Variants in ZNF724 observed in about 807,000 individuals in gnomAD.
The protein encoded by ZNF724 is zinc finger protein 724.
ZNF724 carries 14 observed loss-of-function variants against 29.3 expected under a neutral mutation model. That is an observed-to-expected ratio of 0.48 (90% CI 0.32 to 0.75). ZNF724 has a LOEUF of 0.75. ZNF724 is among the 30% of genes least tolerant of loss of function. The probability of loss-of-function intolerance (pLI) is 0.04; values close to 1 mark genes in which losing one functional copy is unlikely to be tolerated. For missense variants in ZNF724, 557 were observed against 571.2 expected (o/e 0.98, Z 0.25); for synonymous variants, 180 against 193.6 (o/e 0.93, Z 0.58).
intron 2 of ZNF724, 57 bp downstream of exon 2, chr19:23,232,110 A>G: frequency 1.6e-6 from 2 of 1,217,422 alleles, no homozygotes; most frequent in Non-Finnish European, 2.4e-6. Context: ...CATCCTACAA[A>G]AAAACAAACG....
chr19:23,245,351 C>T (rs1213726659), intron 1 of ZNF724, among the ~76,000 whole-genome samples: 2 of 152,238 alleles, frequency 1.3e-5, no homozygotes, highest in Non-Finnish European at 2.9e-5. Context: ...CGGTGGCTCA[C>T]GCCTGTAATC....
intron 1 of ZNF724, among the ~76,000 whole-genome samples, chr19:23,235,908 A>G (rs538684806): frequency 1.4e-3 from 208 of 152,324 alleles, no homozygotes; most frequent in Non-Finnish European, 2.6e-3. Flanking sequence ...CATGCATCAC[A>G]GTCAATCTTC....
In ZNF724 at chr19:23,224,721, C is replaced by T. The variant is rs544849281; in HGVS notation, c.227-703G>A. Among the ~76,000 whole-genome samples, 146 of 40,258 alleles carry T rather than the reference C, an allele frequency of 3.6e-3. 1 individual carries two copies. Among genetic ancestry groups the T allele is most frequent in the African/African-American group, 9.3e-3 (121 of 12,952 alleles). The allele number at this position is 40,258 out of a possible 152,430, so 26.4% of individuals were successfully genotyped here. On this transcript the variant is annotated intron_variant, in intron 3 of 3. Transcript: ENST00000418100. ...CTGTAATCCCAACACTTTGGCGTGC[C>T]GGGTGGGCCGATCACCTGAGGTCAG...
rs576181395 is a variant in ZNF724 at position 23,245,567 on chromosome 19, C to T, written c.3+4673G>A. Among the ~76,000 whole-genome samples the T allele has an allele frequency of 2.8e-4, 43 of 151,840 alleles. 1 individual carries two copies. Among genetic ancestry groups the T allele is most frequent in the African/African-American group, 8.9e-4 (37 of 41,400 alleles). ...GGCGGGGCTTGCAGTGAGCAGAGAT[C>T]GCGCCACTGCACTCCAGACCTGGGC... is the stretch of plus-strand genomic sequence containing the variant. On this transcript the variant is annotated intron_variant, in intron 1 of 3. Coordinates refer to ENST00000418100, the MANE Select transcript of ZNF724 (RefSeq NM_001355404.2).
chr19:23,250,298 C>A lies in ZNF724; in HGVS notation c.-56G>T. On this transcript the variant is annotated 5_prime_UTR_variant, in exon 1 of 4. Transcript: ENST00000418100. ...TTAGCTGTGGATCTCCCAATGCTTG[C>A]AGGTCAGAGGGCCACAGAGGCTGGG... 1 of 614,678 alleles carries A rather than the reference C, an allele frequency of 1.6e-6. No homozygotes were observed. Among genetic ancestry groups the A allele is most frequent in the Non-Finnish European group, 3.0e-6 (1 of 330,188 alleles). The allele number at this position is 614,678 out of a possible 1,614,324, so 38.1% of individuals were successfully genotyped here.
At chr19:23,248,836 A>G (rs1972292043) in intron 1 of ZNF724, among the ~76,000 whole-genome samples, 1 of 152,026 alleles carries the variant, frequency 6.6e-6, no homozygotes, top group South Asian at 2.1e-4. Context: ...CTCTACTAAA[A>G]ATACAAAAAT....
intron 3 of ZNF724, among the ~76,000 whole-genome samples, chr19:23,227,851 A>G (rs990386017): frequency 1.8e-4 from 27 of 152,198 alleles, no homozygotes; most frequent in African/African-American, 6.0e-4. Context: ...TCAATCTAAA[A>G]TTAATTCTGA....
intron 3 of ZNF724, among the ~76,000 whole-genome samples, chr19:23,224,937 A>G (rs1400042501): frequency 6.6e-6 from 1 of 152,076 alleles, no homozygotes; most frequent in Non-Finnish European, 1.5e-5. Flanking sequence ...CCTGGGCAAC[A>G]GAGCAAGACT....
rs1460406681 is a variant in ZNF724 at position 23,223,517 on chromosome 19, G to A, written c.728C>T (p.Thr243Ile). 1 of 744,420 alleles carries A rather than the reference G, an allele frequency of 1.3e-6. No individual in the cohort carries two copies. 46.1% of individuals were successfully genotyped at this position (744,420 alleles called of 1,614,324 possible). ...CTCTCCAGTATGAATTATCTTATGT[G>A]TGTTAAGGTGTGAGGACTTGTTAAA... ...IAFNKSSHLN[T>I]HKIIHTGEKS... The change falls in exon 4 of 4, where the codon ACA becomes ATA. Residue 243 changes from threonine (T) to isoleucine (I), a missense_variant. Physicochemically the swap from Thr to Ile is moderately conservative, Grantham distance 89. This residue lies in a region of ZNF724 where 362 missense variants were observed against 295.5 expected (regional missense o/e 1.22). Coordinates refer to ENST00000418100, the MANE Select transcript of ZNF724 (RefSeq NM_001355404.2).
chr19:23,234,703 C>A (rs371156487), intron 1 of ZNF724, among the ~76,000 whole-genome samples: 2 of 152,206 alleles, frequency 1.3e-5, no homozygotes, highest in African/African-American at 4.8e-5. Flanking sequence ...CCACCCACCT[C>A]GGTCTCCCAA....
chr19:23,248,430 A>G (rs1437696976), intron 1 of ZNF724, among the ~76,000 whole-genome samples: 1 of 152,128 alleles, frequency 6.6e-6, no homozygotes, highest in Non-Finnish European at 1.5e-5. Context: ...ACTGGGGGAT[A>G]CACGGGAGAC....
intron 1 of ZNF724, among the ~76,000 whole-genome samples, chr19:23,235,763 C>T (rs1411791206): frequency 6.6e-6 from 1 of 152,102 alleles, no homozygotes; most frequent in African/African-American, 2.4e-5. Context: ...CATATGTGTT[C>T]ATATCACCTC....
intron 1 of ZNF724, among the ~76,000 whole-genome samples, chr19:23,237,091 G>C (rs967353182): frequency 1.3e-5 from 2 of 152,096 alleles, no homozygotes; most frequent in African/African-American, 4.8e-5. Flanking sequence ...GACCTCAAGT[G>C]ATCTGTCCAC....
At chr19:23,249,224 A>G (rs1195122559) in intron 1 of ZNF724, among the ~76,000 whole-genome samples, 1 of 141,516 alleles carries the variant, frequency 7.1e-6, no homozygotes, top group East Asian at 2.1e-4. Context: ...ATTATTTAAT[A>G]TTTTTGCAGA....
rs1449331105 is a variant in ZNF724, at chr19:23,223,871, A to C, written c.374T>G (p.Val125Gly). ...AAATCCATTATAACTTCCTTTGTGC[A>C]CCTTGTACTCATCCACACTTTTATA... ...KGYKSVDEYK[V>G]HKGSYNGFNQ... Residue 125 changes from valine (V) to glycine (G), a missense_variant, in exon 4 of 4, where the codon GTG (valine) becomes GGG (glycine). Around this residue, in one of 3 missense-constraint regions of ZNF724, gnomAD observed 362 missense variants for 295.5 expected, o/e 1.22. Coordinates refer to ENST00000418100, the MANE Select transcript of ZNF724 (RefSeq NM_001355404.2). The C allele has an allele frequency of 1.3e-6, 1 of 779,360 alleles. No individual in the cohort carries two copies. Among genetic ancestry groups the C allele is most frequent in the South Asian group, 1.3e-5 (1 of 74,418 alleles). 48.3% of individuals were successfully genotyped at this position (779,360 alleles called of 1,614,324 possible).
chr19:23,233,742 C>T (rs1568341871), intron 1 of ZNF724, among the ~76,000 whole-genome samples: 1 of 151,562 alleles, frequency 6.6e-6, no homozygotes, highest in Admixed American at 6.6e-5. Flanking sequence ...GTACTAAACA[C>T]ACAGCATTCC....
At chr19:23,226,071 A>C (rs148183688) in intron 3 of ZNF724, among the ~76,000 whole-genome samples, 1,089 of 72,046 alleles carry the variant, frequency 0.015, 14 homozygotes, top group African/African-American at 0.054. Context: ...TTTTTTTTTG[A>C]GATGGAGTCT....
intron 1 of ZNF724, among the ~76,000 whole-genome samples, chr19:23,248,464 A>C (rs1972281605): frequency 6.6e-6 from 1 of 152,158 alleles, no homozygotes; most frequent in South Asian, 2.1e-4. Context: ...CACGTAAAAA[A>C]TGCGGGGAAA....
chr19:23,248,467 C>T lies in ZNF724; in HGVS notation c.3+1773G>A, dbSNP rs1055701422. On this transcript the variant is annotated intron_variant, in intron 1 of 3. Transcript: ENST00000418100. The stretch of plus-strand genomic sequence containing the variant: ...CTGCTTGGAACACACGTAAAAAATG[C>T]GGGGAAAATCAGTCCTCTGTGGAGT... 2.0e-5 allele frequency among the ~76,000 whole-genome samples: 3 copies of T among 151,794 alleles called. 1 individual carries two copies. Among genetic ancestry groups the T allele is most frequent in the Admixed American group, 2.0e-4 (3 of 15,228 alleles).
Sources: allele counts gnomAD v4.1 joint callset (sites outside exome capture counted in the v4.1 genomes callset), GRCh38; gene constraint gnomAD v4.1.1; regional missense constraint gnomAD v4.1.1; transcripts MANE v1.5; gene names NCBI Gene and HGNC (gene_info 2026-07-23, HGNC 2026-07-21).